Variants in CACNA1A observed in about 807,000 individuals in gnomAD.
The protein encoded by CACNA1A is voltage-dependent P/Q-type calcium channel subunit alpha-1A.
A neutral mutation model predicts 262.4 loss-of-function variants in CACNA1A; 57 were observed. That is an observed-to-expected ratio of 0.22 (90% CI 0.18 to 0.27). The LOEUF (loss-of-function observed/expected upper bound fraction) is 0.27. Among genes scored for constraint, CACNA1A ranks in the 10% least tolerant of loss-of-function variants. The pLI, the probability that CACNA1A is intolerant of heterozygous loss-of-function variation, is 1.00. For synonymous variants in CACNA1A, 1,431 were observed against 1,419.3 expected, an observed-to-expected ratio of 1.01 and a Z score of -0.18; for missense variants, 2,526 against 3,562.8, an observed-to-expected ratio of 0.71 and a Z score of 7.41.
rs1007419624 is a variant in CACNA1A, at chr19:13,313,498, TA to T, written c.1556-718del. On this transcript the variant is annotated intron_variant, in intron 11 of 46. Coordinates refer to ENST00000360228, the MANE Select transcript of CACNA1A (RefSeq NM_001127222.2). The stretch of plus-strand genomic sequence containing the variant: ...CTGGGTGACAGAGCAAGACCTTGTC[TA>T]AAAAAAAAAAAAAAAAAAAAAAGCA... Among the ~76,000 whole-genome samples the T allele has an allele frequency of 1.2e-3, 82 of 65,734 alleles. 1 individual carries two copies. Among genetic ancestry groups the T allele is most frequent in the Middle Eastern group, 9.3e-3 (1 of 108 alleles). The allele number at this position is 65,734 out of a possible 152,430, so 43.1% of individuals were successfully genotyped here.
intron 3 of CACNA1A, among the ~76,000 whole-genome samples, chr19:13,424,723 C>T (rs1036046650): frequency 3.3e-5 from 5 of 152,056 alleles, no homozygotes; most frequent in South Asian, 2.1e-4. Flanking sequence ...GATCCCTCCA[C>T]CTTAGCCTCT....
At chr19:13,387,579 C>T (rs2059636718) in intron 3 of CACNA1A, among the ~76,000 whole-genome samples, 1 of 152,212 alleles carries the variant, frequency 6.6e-6, no homozygotes, top group East Asian at 1.9e-4. Context: ...AAACTCATGC[C>T]TTCACTAGCC....
intron 1 of CACNA1A, among the ~76,000 whole-genome samples, chr19:13,503,549 C>T (rs367867968): frequency 1.3e-5 from 2 of 151,858 alleles, no homozygotes; most frequent in East Asian, 1.9e-4. Context: ...TTCCACGTGT[C>T]TTTCTCTTTA....
intron 28 of CACNA1A, 140 bp downstream of exon 28, chr19:13,257,210 T>G: frequency 1.5e-6 from 1 of 650,374 alleles, no homozygotes; most frequent in Non-Finnish European, 2.7e-6. Context: ...AGGGCTGCCC[T>G]GAAGACTGGA....
chr19:13,282,475 C>T (rs2057314275), intron 22 of CACNA1A, among the ~76,000 whole-genome samples: 1 of 152,094 alleles, frequency 6.6e-6, no homozygotes, highest in South Asian at 2.1e-4. Context: ...CACAAGCATG[C>T]ACTCATTCCT....
At chr19:13,255,757 CTCCCTCCT>C (rs1568466544) in intron 28 of CACNA1A, among the ~76,000 whole-genome samples, 2 of 121,232 alleles carry the variant, frequency 1.6e-5, no homozygotes, top group Non-Finnish European at 3.5e-5. Context: ...CCCTCCTTCC[CTCCCTCCT>C]TCCCTCCCTC....
intron 3 of CACNA1A, among the ~76,000 whole-genome samples, chr19:13,434,067 G>C (rs2060568431): frequency 6.6e-6 from 1 of 152,202 alleles, no homozygotes; most frequent in African/African-American, 2.4e-5. Context: ...CTGTAAAATG[G>C]GGAGATTGAG....
chr19:13,328,926 C>T (rs1041587786), intron 10 of CACNA1A, among the ~76,000 whole-genome samples: 1 of 131,624 alleles, frequency 7.6e-6, no homozygotes, highest in Non-Finnish European at 1.6e-5. Flanking sequence ...CTCTTCCTCC[C>T]TTCCTCTTTC....
At chr19:13,450,880 G>C (rs371311016) in intron 3 of CACNA1A, 1 of 152,042 alleles carries the variant, frequency 6.6e-6, no homozygotes, top group African/African-American at 2.4e-5. Flanking sequence ...GCTCAGGCTC[G>C]TCTCAAACTC....
intron 3 of CACNA1A, among the ~76,000 whole-genome samples, chr19:13,388,162 G>A (rs576081366): frequency 7.4e-6 from 1 of 135,776 alleles, no homozygotes; most frequent in Non-Finnish European, 1.7e-5. Context: ...GCCACTCCTA[G>A]GTTGAGGACT....
At chr19:13,486,380 C>T (rs1257198481) in intron 1 of CACNA1A, among the ~76,000 whole-genome samples, 1 of 125,462 alleles carries the variant, frequency 8.0e-6, no homozygotes, top group Non-Finnish European at 1.6e-5. Flanking sequence ...CTCTCTCTCT[C>T]TCTCTGTCTG....
intron 4 of CACNA1A, chr19:13,365,733 T>A: frequency 3.0e-6 from 1 of 334,108 alleles, no homozygotes; most frequent in Non-Finnish European, 5.5e-6. Flanking sequence ...AGTGGCACAA[T>A]CACAGCTCAC....
At chr19:13,372,416 C>T (rs759850383) in intron 3 of CACNA1A, among the ~76,000 whole-genome samples, 4 of 152,160 alleles carry the variant, frequency 2.6e-5, no homozygotes, top group African/African-American at 7.2e-5. Flanking sequence ...AGGTGATCCA[C>T]CCGCCTCGGC....
chr19:13,359,884 T>C (rs1175424183), intron 5 of CACNA1A, 85 bp from the exon 6 acceptor site: 6 of 858,668 alleles, frequency 7.0e-6, no homozygotes, highest in Non-Finnish European at 1.0e-5. Context: ...TCTATAATGC[T>C]GTTGGAACGA....
intron 7 of CACNA1A, 50 bp downstream of exon 7, chr19:13,335,756 G>T: frequency 5.9e-6 from 7 of 1,188,288 alleles, no homozygotes; most frequent in Non-Finnish European, 8.7e-6. Context: ...TTGGAAAGAA[G>T]TTAGCAAAGA....
chr19:13,261,881 G>T, intron 25 of CACNA1A: 1 of 358,432 alleles, frequency 2.8e-6, no homozygotes, highest in Non-Finnish European at 5.1e-6. Flanking sequence ...AGAAAAACAA[G>T]GTAACAAAGT....
chr19:13,455,275 C>G, intron 1 of CACNA1A, 63 bp from the exon 2 acceptor site: 1 of 898,692 alleles, frequency 1.1e-6, no homozygotes, highest in South Asian at 1.3e-5. Flanking sequence ...GTGCACCCAC[C>G]CCCACTGACC....
intron 1 of CACNA1A, among the ~76,000 whole-genome samples, chr19:13,494,540 T>A (rs553261232): frequency 6.6e-6 from 1 of 152,114 alleles, no homozygotes; most frequent in African/African-American, 2.4e-5. Flanking sequence ...ATGAAAGAGA[T>A]GAGATCAAAG....
At chr19:13,237,217 A>C (rs72995980) in intron 31 of CACNA1A, among the ~76,000 whole-genome samples, 8,376 of 152,186 alleles carry the variant, frequency 0.055, 330 homozygotes, top group Middle Eastern at 0.092. Flanking sequence ...AGCCTCAGGC[A>C]GACATGGAAA....
Sources: gnomAD v4.1 joint callset for allele counts (sites outside exome capture counted in the v4.1 genomes callset) on GRCh38, gnomAD v4.1.1 for gene constraint, MANE v1.5 for transcripts, NCBI Gene and HGNC (gene_info 2026-07-23, HGNC 2026-07-21) for gene names.